The following TBC1D9 variants were observed in gnomAD, a reference collection of about 807,000 sequenced individuals.
TBC1D9 encodes TBC1 domain family member 9.
TBC1D9 carries 63 observed loss-of-function variants against 132.0 expected under a neutral mutation model. The observed-to-expected ratio is 0.48, with a 90% CI of 0.39 to 0.59. The LOEUF is 0.59. Ranked by LOEUF, TBC1D9 falls within the 20% of genes least tolerant of loss-of-function variation. The pLI is 0.00. For synonymous variants in TBC1D9, 610 were observed against 609.9 expected, an observed-to-expected ratio of 1.00 and a Z score of 0.00; for missense variants, 1,261 against 1,592.7, an observed-to-expected ratio of 0.79 and a Z score of 3.54.
intron 1 of TBC1D9, among the ~76,000 whole-genome samples, chr4:140,750,781 C>T (rs1349341972): frequency 6.6e-6 from 1 of 152,028 alleles, no homozygotes; most frequent in Non-Finnish European, 1.5e-5. Context: ...TTTGTTGCTG[C>T]TGTTGTTTTG....
intron 1 of TBC1D9, among the ~76,000 whole-genome samples, chr4:140,745,640 A>G (rs1738825761): frequency 6.6e-6 from 1 of 152,216 alleles, no homozygotes; most frequent in Admixed American, 6.5e-5. Context: ...TATAATACAT[A>G]TAACAAAAAA....
intron 17 of TBC1D9, 83 bp from the exon 18 acceptor site, chr4:140,627,610 A>G (rs980861493): frequency 3.3e-6 from 3 of 910,328 alleles, no homozygotes; most frequent in Non-Finnish European, 5.2e-6. Context: ...ATAAAATGAC[A>G]TAAGTGGGGA....
chr4:140,715,043 G>A (rs1488227613), intron 1 of TBC1D9, among the ~76,000 whole-genome samples: 1 of 152,100 alleles, frequency 6.6e-6, no homozygotes, highest in African/African-American at 2.4e-5. Context: ...GATTTTTTGA[G>A]GCCAGGAGAG....
At chr4:140,630,189 G>C (rs551212335) in intron 16 of TBC1D9, among the ~76,000 whole-genome samples, 2 of 151,944 alleles carry the variant, frequency 1.3e-5, no homozygotes. Context: ...CAATCATTTT[G>C]TAACAGTGAA....
intron 9 of TBC1D9, 136 bp downstream of exon 9, chr4:140,668,781 G>T: frequency 1.1e-6 from 1 of 903,290 alleles, no homozygotes; most frequent in Non-Finnish European, 1.6e-6. Flanking sequence ...ATACTCTGGT[G>T]AGGAAACATG....
In TBC1D9 at chr4:140,657,770, T is replaced by A. The variant is rs986900968; in HGVS notation, c.1964A>T (p.Asp655Val). ...GCAGTCGTACAGCTGTGGGACGTAG[T>A]CTCGTGCTAGCTCCTCAAAGACACC... ...DQGVFEELAR[D>V]YVPQLYDCMQ... Residue 655 changes from aspartate (D) to valine (V), a missense_variant, in exon 12 of 21, where the codon GAC becomes GTC. By Grantham distance (152) the Asp-to-Val change is radical (BLOSUM62 -3). This residue lies in a region of TBC1D9 where 93 missense variants were observed against 169.2 expected (regional missense o/e 0.55). Transcript: ENST00000442267. 6.2e-7 allele frequency: 1 copy of A among 1,613,908 alleles called. No homozygotes were observed. Among genetic ancestry groups the A allele is most frequent in the Admixed American group, 1.7e-5 (1 of 60,012 alleles).
Position 140,622,770 on chromosome 4 carries a change from T to C in TBC1D9, c.3226A>G (p.Lys1076Glu). The part of the protein sequence containing the change: ...VGKLFVAQPA[K>E]EGGSGGSGPS... The stretch of plus-strand genomic sequence containing the variant: ...CCACTGCCTCCGCTCCCGCCCTCCT[T>C]TGCAGGCTGGGCCACGAACAACTTG... The change falls in exon 21 of 21, where the codon AAG becomes GAG. Residue 1076 changes from lysine to glutamate, a missense_variant. Lys to Glu is a moderately conservative substitution (Grantham distance 56). Coordinates refer to ENST00000442267, the MANE Select transcript of TBC1D9 (RefSeq NM_015130.3). 6.2e-7 allele frequency: 1 copy of C among 1,604,644 alleles called. No individual in the cohort carries two copies. Among genetic ancestry groups the C allele is most frequent in the Non-Finnish European group, 8.5e-7 (1 of 1,179,550 alleles).
At chr4:140,747,969 TCTC>T (rs1279701449) in intron 1 of TBC1D9, among the ~76,000 whole-genome samples, 1 of 152,136 alleles carries the variant, frequency 6.6e-6, no homozygotes, top group Non-Finnish European at 1.5e-5. Flanking sequence ...AACATTATCT[TCTC>T]CTTCAGATTA....
At chr4:140,673,390 C>A (rs192622042) in intron 6 of TBC1D9, among the ~76,000 whole-genome samples, 1 of 152,110 alleles carries the variant, frequency 6.6e-6, no homozygotes, top group East Asian at 1.9e-4. Context: ...AGTGGGCATT[C>A]CGTGTAGGAT....
At position 140,634,187 on chromosome 4, in the gene TBC1D9, G is replaced by T. The variant is rs371115071; in HGVS notation, c.2507C>A (p.Ala836Glu). ...ELEELYALFKAEHLTSCYWGG... is the reference protein window; with the variant it reads ...ELEELYALFKEEHLTSCYWGG... Reference sequence around the variant, plus strand: ...CCAGTAGCAGCTGGTGAGATGTTCTGCCTGAAAAAGAATGGATGATCACTG... The same window carrying T: ...CCAGTAGCAGCTGGTGAGATGTTCTTCCTGAAAAAGAATGGATGATCACTG... The change falls in exon 16 of 21, where the codon GCA (alanine) becomes GAA (glutamate). Residue 836 changes from alanine to glutamate, a missense_variant and splice_region_variant. By Grantham distance (107) the Ala-to-Glu change is moderately radical. Transcript: ENST00000442267. 5.8e-5 allele frequency: 93 copies of T among 1,611,680 alleles called. No homozygotes were observed. Among genetic ancestry groups the T allele is most frequent in the Middle Eastern group, 1.6e-4 (1 of 6,080 alleles).
At chr4:140,687,188 T>C (rs1478525300) in intron 2 of TBC1D9, among the ~76,000 whole-genome samples, 1 of 151,272 alleles carries the variant, frequency 6.6e-6, no homozygotes, top group Non-Finnish European at 1.5e-5. Context: ...CTGCAGGGTG[T>C]AATAGGTATG....
chr4:140,687,955 T>G (rs1737813669), intron 2 of TBC1D9, among the ~76,000 whole-genome samples: 1 of 152,006 alleles, frequency 6.6e-6, no homozygotes, highest in Non-Finnish European at 1.5e-5. Context: ...TCAGACATGG[T>G]GGCATGTGCC....
chr4:140,755,849 C>A (rs576329427), intron 1 of TBC1D9, 67 bp downstream of exon 1: 2 of 1,314,692 alleles, frequency 1.5e-6, no homozygotes, highest in South Asian at 2.9e-5. Context: ...GAGCCTGCAG[C>A]CCAGGCCGCG....
intron 13 of TBC1D9, chr4:140,642,700 G>C: frequency 1.5e-6 from 1 of 664,836 alleles, no homozygotes; most frequent in Non-Finnish European, 2.7e-6. Context: ...TAAGGGCATT[G>C]TGTTCCTCCT....
intron 1 of TBC1D9, among the ~76,000 whole-genome samples, chr4:140,744,655 G>A (rs1738810258): frequency 1.3e-5 from 2 of 151,980 alleles, no homozygotes; most frequent in South Asian, 4.2e-4. Flanking sequence ...AGACCAAGGT[G>A]GGTGGATCAC....
chr4:140,670,884 T>C lies in TBC1D9; in HGVS notation c.1102A>G (p.Ser368Gly). The C allele has an allele frequency of 6.2e-7, 1 of 1,614,022 alleles. No homozygotes were observed. Among genetic ancestry groups the C allele is most frequent in the Non-Finnish European group, 8.5e-7 (1 of 1,179,898 alleles). Residue 368 changes from serine (S) to glycine (G), a missense_variant, in exon 7 of 21, where the codon AGT (serine) becomes GGT (glycine). By Grantham distance (56) the Ser-to-Gly change is moderately conservative. Around this residue, in one of 3 missense-constraint regions of TBC1D9, gnomAD observed 550 missense variants for 699.0 expected, o/e 0.79. Transcript: ENST00000442267. The stretch of plus-strand genomic sequence containing the variant: ...TTTCGGGTGCTGATGGATAAGGGAC[T>C]GGGGAGCACACTGGAGCTGTCTGCC... ...EKADSSSVLP[S>G]PLSISTRNRM...
chr4:140,719,426 C>T (rs1738389033), intron 1 of TBC1D9, among the ~76,000 whole-genome samples: 1 of 152,166 alleles, frequency 6.6e-6, no homozygotes, highest in Admixed American at 6.5e-5. Flanking sequence ...AGCGTCAAGA[C>T]ATAAACTTGC....
chr4:140,644,755 C>CA (rs1258228142), intron 13 of TBC1D9: 2 of 399,982 alleles, frequency 5.0e-6, no homozygotes, highest in Admixed American at 7.2e-5. Flanking sequence ...CAGGGGGCTG[C>CA]AGCCTGGAGA....
At chr4:140,743,190 C>T (rs1738787146) in intron 1 of TBC1D9, among the ~76,000 whole-genome samples, 1 of 152,210 alleles carries the variant, frequency 6.6e-6, no homozygotes, top group African/African-American at 2.4e-5. Context: ...GCTTTAACAG[C>T]ATCCTTCAGA....
Sources: gnomAD v4.1 joint callset for allele counts (sites outside exome capture counted in the v4.1 genomes callset) on GRCh38, gnomAD v4.1.1 for gene constraint, gnomAD v4.1.1 regional missense constraint, MANE v1.5 for transcripts, NCBI Gene and HGNC (gene_info 2026-07-23, HGNC 2026-07-21) for gene names.